The following NFATC1 variants were observed in gnomAD, a reference collection of about 807,000 sequenced individuals.
The protein encoded by NFATC1 is nuclear factor of activated T-cells, cytoplasmic 1.
A neutral mutation model predicts 76.0 loss-of-function variants in NFATC1; 22 were observed. That is an observed-to-expected ratio of 0.29 (90% confidence interval 0.21 to 0.41). The LOEUF (loss-of-function observed/expected upper bound fraction) is 0.41, where lower values mean the gene tolerates loss of function less well. NFATC1 is among the 10% of genes least tolerant of loss of function. NFATC1 has a pLI of 1.00. For missense variants in NFATC1, 1,357 were observed against 1,337.7 expected (o/e 1.01, Z -0.23); for synonymous variants, 704 against 613.1 (o/e 1.15, Z -2.19).
intron 9 of NFATC1, among the ~76,000 whole-genome samples, chr18:79,499,201 A>AAAGG (rs1433566978): frequency 6.6e-6 from 1 of 152,246 alleles, no homozygotes; most frequent in Non-Finnish European, 1.5e-5. Flanking sequence ...ACAGTAGCAC[A>AAAGG]AAGGAAGGGG....
intron 9 of NFATC1, among the ~76,000 whole-genome samples, chr18:79,520,470 A>C (rs960234571): frequency 1.3e-5 from 2 of 151,804 alleles, no homozygotes; most frequent in African/African-American, 4.8e-5. Flanking sequence ...GGCACATTTA[A>C]GCTAGTACCG....
At chr18:79,502,172 A>G (rs1174173659) in intron 9 of NFATC1, among the ~76,000 whole-genome samples, 11 of 152,244 alleles carry the variant, frequency 7.2e-5, no homozygotes, top group Admixed American at 7.2e-4. Flanking sequence ...TCAGTGGCGC[A>G]GAATTAAAAG....
rs545340162 is a variant in NFATC1, at chr18:79,518,730, C to T, written c.2783-8798C>T. Among the ~76,000 whole-genome samples the T allele has an allele frequency of 2.0e-4, 30 of 152,310 alleles. 1 individual carries two copies. The South Asian group carries it at 6.2e-3, about 32-fold the overall frequency. On this transcript the variant is annotated intron_variant, in intron 9 of 9. Coordinates refer to ENST00000427363, the MANE Select transcript of NFATC1 (RefSeq NM_001278669.2). Reference sequence around the variant, plus strand: ...TGACCGCCCAGTCCTGTCTTCAAAACGAGACTAAGGGTAGCACCCAGCTCC... The same window carrying T: ...TGACCGCCCAGTCCTGTCTTCAAAATGAGACTAAGGGTAGCACCCAGCTCC...
chr18:79,451,168 C>T (rs760696916), intron 5 of NFATC1, 42 bp downstream of exon 5: 26 of 1,578,688 alleles, frequency 1.6e-5, no homozygotes, highest in Non-Finnish European at 2.2e-5. Flanking sequence ...GAAACCGTCC[C>T]GTCACATGCG....
chr18:79,448,719 TC>T, intron 3 of NFATC1, 62 bp from the exon 4 acceptor site: 1 of 1,546,652 alleles, frequency 6.5e-7, no homozygotes, highest in South Asian at 1.2e-5. Context: ...TTCTCTGCGT[TC>T]CGGTGACTCC....
chr18:79,417,027 G>A (rs1012876243), intron 2 of NFATC1, among the ~76,000 whole-genome samples: 13 of 152,210 alleles, frequency 8.5e-5, no homozygotes, highest in Non-Finnish European at 1.9e-4. Context: ...TGGAGCTTGC[G>A]TTTGGCTGAG....
In NFATC1 at chr18:79,396,102, G is replaced by A. The variant is rs2084994105; in HGVS notation, c.-123G>A. 3.5e-6 allele frequency: 4 copies of A among 1,154,298 alleles called. No individual in the cohort carries two copies. Among genetic ancestry groups the A allele is most frequent in the South Asian group, 3.0e-5 (1 of 33,554 alleles). 71.5% of individuals were successfully genotyped at this position (1,154,298 alleles called of 1,614,324 possible). ...ACACGCCCCTCGATGACTTTCCTCCGGGGCGCGCGGCGCTGAGCCCGGGGC... is the reference window on the plus strand; with the variant it reads ...ACACGCCCCTCGATGACTTTCCTCCAGGGCGCGCGGCGCTGAGCCCGGGGC... On this transcript the variant is annotated 5_prime_UTR_variant, in exon 1 of 10. Transcript: ENST00000427363.
intron 9 of NFATC1, among the ~76,000 whole-genome samples, chr18:79,520,445 A>G (rs1006434505): frequency 3.3e-5 from 5 of 151,628 alleles, no homozygotes; most frequent in African/African-American, 9.7e-5. Context: ...CCACCCCCAC[A>G]TAAAAAAAGT....
intron 2 of NFATC1, among the ~76,000 whole-genome samples, chr18:79,430,651 G>A (rs2086559642): frequency 6.6e-6 from 1 of 152,226 alleles, no homozygotes; most frequent in South Asian, 2.1e-4. Context: ...CCAAAGTGCT[G>A]GGATTACAGG....
chr18:79,472,546 G>A (rs1471443923), intron 8 of NFATC1, among the ~76,000 whole-genome samples: 1 of 152,222 alleles, frequency 6.6e-6, no homozygotes, highest in Non-Finnish European at 1.5e-5. Flanking sequence ...TGAGGTCTCT[G>A]CAGATGCTCA....
At chr18:79,442,794 G>A (rs2087034536) in intron 3 of NFATC1, among the ~76,000 whole-genome samples, 2 of 152,150 alleles carry the variant, frequency 1.3e-5, no homozygotes, top group Non-Finnish European at 2.9e-5. Context: ...CCCCAGCCCG[G>A]AGCTCAGCTC....
chr18:79,489,944 C>T (rs1434521951), intron 9 of NFATC1, among the ~76,000 whole-genome samples: 2 of 152,238 alleles, frequency 1.3e-5, no homozygotes, highest in Non-Finnish European at 1.5e-5. Context: ...CCTGTGCAGA[C>T]ACCTCCCTAT....
rs200146253 is a variant in NFATC1 at position 79,411,481 on chromosome 18, G to C, written c.1206G>C (p.Leu402=). The C allele has an allele frequency of 2.3e-5, 35 of 1,507,582 alleles. No homozygotes were observed. The East Asian group carries it at 7.2e-4, about 31-fold the overall frequency. 93.4% of individuals were successfully genotyped at this position (1,507,582 alleles called of 1,614,324 possible). A position where few individuals can be genotyped will look rare whatever the true frequency, so the allele number is the denominator to read the frequency against. The change falls in exon 2 of 10, where the codon CTG becomes CTC. Residue 402 remains leucine (L), a synonymous_variant. Coordinates refer to ENST00000427363, the MANE Select transcript of NFATC1 (RefSeq NM_001278669.2). ...HPYQWAKPKP[L]SPTSYMSPTL... Reference sequence around the variant, plus strand: ...ACCAGTGGGCGAAGCCCAAGCCCCTGTCCCCTACGTCCTACATGAGGTGAG... The same window carrying C: ...ACCAGTGGGCGAAGCCCAAGCCCCTCTCCCCTACGTCCTACATGAGGTGAG...
chr18:79,488,942 A>C (rs1295670821), intron 9 of NFATC1, among the ~76,000 whole-genome samples: 6 of 132,702 alleles, frequency 4.5e-5, no homozygotes, highest in Admixed American at 7.4e-5. Flanking sequence ...GCGAGGGTAG[A>C]GTTCGGGGTG....
At chr18:79,515,771 G>GA (rs1403012170) in intron 9 of NFATC1, 1 of 151,958 alleles carries the variant, frequency 6.6e-6, no homozygotes, top group Non-Finnish European at 1.5e-5. Flanking sequence ...TCTCCTCGGG[G>GA]TCCATTCACT....
intron 9 of NFATC1, among the ~76,000 whole-genome samples, chr18:79,495,736 T>G (rs1269151635): frequency 1.3e-5 from 2 of 152,278 alleles, no homozygotes; most frequent in Non-Finnish European, 2.9e-5. Flanking sequence ...TGTCATCTTG[T>G]GTAGGCAAGC....
chr18:79,432,670 G>T (rs1455039838), intron 2 of NFATC1, among the ~76,000 whole-genome samples: 2 of 152,224 alleles, frequency 1.3e-5, no homozygotes, highest in African/African-American at 4.8e-5. Context: ...GTGGAAGGTG[G>T]TGCCTGCGTG....
chr18:79,401,577 A>G (rs1379375460), intron 1 of NFATC1, among the ~76,000 whole-genome samples: 1 of 152,248 alleles, frequency 6.6e-6, no homozygotes, highest in African/African-American at 2.4e-5. Context: ...GCCGCCTTCC[A>G]GAGCTGGTTC....
At chr18:79,496,896 G>A (rs538333055) in intron 9 of NFATC1, 1 of 152,370 alleles carries the variant, frequency 6.6e-6, no homozygotes, top group East Asian at 1.9e-4. Flanking sequence ...CTGAGGCTCA[G>A]AGAGATGCCG....
Sources: allele counts gnomAD v4.1 joint callset (sites outside exome capture counted in the v4.1 genomes callset), GRCh38; gene constraint gnomAD v4.1.1; transcripts MANE v1.5; gene names NCBI Gene and HGNC (gene_info 2026-07-23, HGNC 2026-07-21).